The following MEGF11 variants were observed in gnomAD, a reference collection of about 807,000 sequenced individuals.
MEGF11 encodes multiple epidermal growth factor-like domains protein 11.
In MEGF11, 126 loss-of-function variants were observed where a neutral mutation model predicts 146.6. That is an observed-to-expected ratio of 0.86 (90% CI 0.74 to 1.00). MEGF11 has a LOEUF of 1.00. MEGF11 is among the 50% of genes least tolerant of loss of function. MEGF11 has a pLI of 0.00. For synonymous variants in MEGF11, 532 were observed against 583.4 expected, an observed-to-expected ratio of 0.91 and a Z score of 1.27; for missense variants, 1,509 against 1,521.2, an observed-to-expected ratio of 0.99 and a Z score of 0.13.
chr15:66,026,912 G>A (rs1487674690), intron 5 of MEGF11, among the ~76,000 whole-genome samples: 3 of 152,320 alleles, frequency 2.0e-5, no homozygotes, highest in South Asian at 2.1e-4. Flanking sequence ...GGATCAGTGG[G>A]AGAATAAAAT....
rs116664122 is a variant in MEGF11 at position 66,132,040 on chromosome 15, G to A, written c.-8-3629C>T. On this transcript the variant is annotated intron_variant, in intron 1 of 25. Coordinates refer to ENST00000395614, the MANE Select transcript of MEGF11 (RefSeq NM_001385028.1). ...GCACCTGGTGTTAAAGGAAAATGCC[G>A]CCAGGTTGCTTAAGGGACACTGGCA... 2.2e-3 allele frequency among the ~76,000 whole-genome samples: 330 copies of A among 152,284 alleles called. 3 individuals are homozygous for A. Among genetic ancestry groups the A allele is most frequent in the African/African-American group, 7.4e-3 (308 of 41,556 alleles).
intron 24 of MEGF11, among the ~76,000 whole-genome samples, chr15:65,899,802 T>G (rs1447000757): frequency 6.6e-6 from 1 of 152,208 alleles, no homozygotes; most frequent in Non-Finnish European, 1.5e-5. Context: ...AGCAGTATCT[T>G]TCTGATACTA....
Position 65,955,830 on chromosome 15 carries a change from A to AT in MEGF11, c.1287+1716_1287+1717insA, listed in dbSNP as rs1555455890. On this transcript the variant is annotated intron_variant, in intron 10 of 25. Coordinates refer to ENST00000395614, the MANE Select transcript of MEGF11 (RefSeq NM_001385028.1). ...CACACACACAATACTTTAAATATAT[A>AT]ACATGTAATCAATATAACAAAATGA... 7.4e-5 allele frequency among the ~76,000 whole-genome samples: 9 copies of AT among 121,804 alleles called. No homozygotes were observed. The Admixed American group carries it at 7.5e-4, about 10-fold the overall frequency. The allele number at this position is 121,804 out of a possible 152,430, so 79.9% of individuals were successfully genotyped here.
chr15:66,248,728 G>C (rs1359386518), intron 1 of MEGF11, among the ~76,000 whole-genome samples: 1 of 152,188 alleles, frequency 6.6e-6, no homozygotes, highest in Non-Finnish European at 1.5e-5. Flanking sequence ...GGCCCAGAGA[G>C]ACCATCAGCG....
intron 1 of MEGF11, among the ~76,000 whole-genome samples, chr15:66,251,996 G>A (rs1030412040): frequency 6.6e-6 from 1 of 152,192 alleles, no homozygotes; most frequent in African/African-American, 2.4e-5. Context: ...ACGGCAGAGG[G>A]ACCCTCTCCG....
chr15:65,930,134 G>T (rs745902494), intron 11 of MEGF11, among the ~76,000 whole-genome samples: 3 of 152,198 alleles, frequency 2.0e-5, no homozygotes, highest in Non-Finnish European at 4.4e-5. Flanking sequence ...CCTGGAACAG[G>T]CACCAGCTCA....
intron 5 of MEGF11, among the ~76,000 whole-genome samples, chr15:65,992,338 G>C (rs2082068342): frequency 6.6e-6 from 1 of 151,430 alleles, no homozygotes; most frequent in Non-Finnish European, 1.5e-5. Flanking sequence ...GCCCCTGCTT[G>C]AAATATCACT....
intron 5 of MEGF11, among the ~76,000 whole-genome samples, chr15:66,064,064 G>A (rs1251256185): frequency 1.3e-5 from 2 of 152,106 alleles, no homozygotes; most frequent in African/African-American, 2.4e-5. Context: ...TTGATGAAAC[G>A]CCATAGCAAC....
chr15:66,119,890 C>T (rs920749841), intron 3 of MEGF11, among the ~76,000 whole-genome samples: 1 of 152,188 alleles, frequency 6.6e-6, no homozygotes, highest in African/African-American at 2.4e-5. Context: ...GGCTTAGCCC[C>T]ATGCCAGAGG....
chr15:65,988,960 G>A (rs1001773630), intron 5 of MEGF11, among the ~76,000 whole-genome samples: 18 of 152,120 alleles, frequency 1.2e-4, no homozygotes, highest in Non-Finnish European at 2.1e-4. Flanking sequence ...GCTGCTTGTA[G>A]GATTCACTTC....
At chr15:66,157,616 G>T (rs1025408647) in intron 1 of MEGF11, among the ~76,000 whole-genome samples, 1 of 152,210 alleles carries the variant, frequency 6.6e-6, no homozygotes, top group Non-Finnish European at 1.5e-5. Context: ...ATTAAGAGGG[G>T]ACATTGTTAG....
intron 5 of MEGF11, among the ~76,000 whole-genome samples, chr15:66,053,000 A>G (rs2084513275): frequency 6.6e-6 from 1 of 152,098 alleles, no homozygotes; most frequent in Non-Finnish European, 1.5e-5. Flanking sequence ...TAAATGCCAA[A>G]TGGATGGATG....
At chr15:66,237,040 G>C (rs10152900) in intron 1 of MEGF11, among the ~76,000 whole-genome samples, 39,588 of 152,022 alleles carry the variant, frequency 0.26, 6,072 homozygotes, top group Non-Finnish European at 0.36. Flanking sequence ...GGCACCCCGG[G>C]CTGTTGGAAT....
intron 3 of MEGF11, among the ~76,000 whole-genome samples, chr15:66,120,571 C>T (rs1417046620): frequency 6.6e-6 from 1 of 152,210 alleles, no homozygotes; most frequent in African/African-American, 2.4e-5. Context: ...AACCCTCCCA[C>T]ACCTTAAAGC....
At chr15:66,035,632 A>G (rs1246358234) in intron 5 of MEGF11, among the ~76,000 whole-genome samples, 1 of 152,232 alleles carries the variant, frequency 6.6e-6, no homozygotes, top group Non-Finnish European at 1.5e-5. Flanking sequence ...TATGATGACG[A>G]TGAAATGTTT....
At chr15:66,033,225 C>T (rs2083600617) in intron 5 of MEGF11, among the ~76,000 whole-genome samples, 1 of 152,030 alleles carries the variant, frequency 6.6e-6, no homozygotes, top group South Asian at 2.1e-4. Flanking sequence ...GATTACCATA[C>T]ACAGAAGACA....
At chr15:66,073,007 C>T (rs540842158) in intron 5 of MEGF11, among the ~76,000 whole-genome samples, 175 of 152,178 alleles carry the variant, frequency 1.1e-3, no homozygotes, top group Non-Finnish European at 2.0e-3. Context: ...GCCTCAAGGT[C>T]AGAAGAAGTT....
At chr15:66,033,724 A>T (rs2083618251) in intron 5 of MEGF11, among the ~76,000 whole-genome samples, 1 of 152,224 alleles carries the variant, frequency 6.6e-6, no homozygotes, top group Non-Finnish European at 1.5e-5. Flanking sequence ...AGTCAAAGGA[A>T]ATTATTCTCC....
intron 13 of MEGF11, among the ~76,000 whole-genome samples, chr15:65,923,368 G>A (rs757310248): frequency 3.9e-5 from 6 of 152,182 alleles, no homozygotes; most frequent in Admixed American, 2.6e-4. Context: ...CCAAGAACAG[G>A]ACCGGGAGGA....
Sources: gnomAD v4.1 joint callset for allele counts (sites outside exome capture counted in the v4.1 genomes callset) on GRCh38, gnomAD v4.1.1 for gene constraint, MANE v1.5 for transcripts, NCBI Gene and HGNC (gene_info 2026-07-23, HGNC 2026-07-21) for gene names.